ANO4: variants seen among roughly 807,000 people sequenced by gnomAD.
The protein encoded by ANO4 is anoctamin-4.
A neutral mutation model predicts 141.9 loss-of-function variants in ANO4; 69 were observed. The observed-to-expected ratio is 0.49, with a 90% CI of 0.40 to 0.59. The LOEUF (loss-of-function observed/expected upper bound fraction) is 0.59. ANO4 is among the 20% of genes least tolerant of loss of function. The probability of loss-of-function intolerance (pLI) is 0.00; values close to 1 mark genes in which losing one functional copy is unlikely to be tolerated. For missense variants in ANO4, 894 were observed against 1,162.2 expected, an observed-to-expected ratio of 0.77 and a Z score of 3.36; for synonymous variants, 350 against 394.3, an observed-to-expected ratio of 0.89 and a Z score of 1.33.
chr12:100,976,218 T>A (rs1174974725), intron 7 of ANO4, among the ~76,000 whole-genome samples: 1 of 152,186 alleles, frequency 6.6e-6, no homozygotes, highest in Non-Finnish European at 1.5e-5. Flanking sequence ...CTCTATGAAA[T>A]TTAGAATTCA....
chr12:100,931,232 G>A (rs186594237), intron 3 of ANO4, among the ~76,000 whole-genome samples: 1 of 152,214 alleles, frequency 6.6e-6, no homozygotes, highest in East Asian at 1.9e-4. Flanking sequence ...GTTCAAAGCT[G>A]TATTGTGTCT....
At chr12:101,125,854 T>TTTG (rs34948143) in intron 26 of ANO4, among the ~76,000 whole-genome samples, 7,779 of 152,150 alleles carry the variant, frequency 0.051, 634 homozygotes, top group African/African-American at 0.17. Context: ...CTGAAGTTTT[T>TTTG]TTGTTGTCTC....
intron 1 of ANO4, among the ~76,000 whole-genome samples, chr12:100,850,698 G>C (rs943925305): frequency 6.8e-6 from 1 of 147,450 alleles, no homozygotes; most frequent in Non-Finnish European, 1.5e-5. Flanking sequence ...AAAAATTTAG[G>C]AAATTCAGAA....
intron 3 of ANO4, among the ~76,000 whole-genome samples, chr12:100,789,277 A>G (rs1167538528): frequency 6.6e-6 from 1 of 152,114 alleles, no homozygotes; most frequent in Admixed American, 6.6e-5. Flanking sequence ...GGCAGAGTCA[A>G]GGCCTTCCCA....
Position 101,110,427 on chromosome 12 carries a change from A to G in ANO4, c.2173A>G (p.Ile725Val), listed in dbSNP as rs1309254868. The G allele has an allele frequency of 6.2e-6, 10 of 1,609,306 alleles. No homozygotes were observed. Among genetic ancestry groups the G allele is most frequent in the African/African-American group, 2.7e-5 (2 of 74,874 alleles). ...EMILQFGFTT[I>V]FVAAFPLAPL... Reference sequence around the variant, plus strand: ...AGTTCTTCAGTTTGGATTCACAACTATCTTTGTGGCAGCTTTTCCCCTAGC... The same window carrying G: ...AGTTCTTCAGTTTGGATTCACAACTGTCTTTGTGGCAGCTTTTCCCCTAGC... Residue 725 changes from isoleucine (I) to valine (V), a missense_variant, in exon 23 of 28, where the codon ATC becomes GTC. Physicochemically the swap from Ile to Val is conservative, Grantham distance 29. This residue lies in a region of ANO4 where 637 missense variants were observed against 909.2 expected (regional missense o/e 0.70). Transcript: ENST00000392977.
chr12:100,829,976 C>A (rs761360591), intron 1 of ANO4, among the ~76,000 whole-genome samples: 1 of 152,004 alleles, frequency 6.6e-6, no homozygotes, highest in African/African-American at 2.4e-5. Context: ...GCATTGAAAT[C>A]GTGGCTCTTC....
At chr12:100,816,661 G>C (rs1237364758) in intron 1 of ANO4, among the ~76,000 whole-genome samples, 1 of 151,974 alleles carries the variant, frequency 6.6e-6, no homozygotes, top group East Asian at 1.9e-4. Flanking sequence ...TTATAAAGGA[G>C]AAAGGAGAAG....
chr12:101,069,440 C>G (rs1222886668), intron 14 of ANO4, among the ~76,000 whole-genome samples: 1 of 152,136 alleles, frequency 6.6e-6, no homozygotes, highest in Non-Finnish European at 1.5e-5. Context: ...ACTAATTTTT[C>G]CTTGTGCATT....
In ANO4 at chr12:101,111,604, G is replaced by A. The variant is rs774934835; in HGVS notation, c.2344G>A (p.Val782Ile). 6.2e-7 allele frequency: 1 copy of A among 1,611,662 alleles called. No homozygotes were observed. The highest frequency in any genetic ancestry group is 8.5e-7 in the Non-Finnish European group (1 of 1,179,032). ...GILEGIGILS[V>I]ITNAFVIAIT... ...TCTTGAAGGCATTGGAATTCTCTCT[G>A]TTATCACAAATGCATTTGTCATAGC... Residue 782 changes from valine (V) to isoleucine (I), a missense_variant, in exon 24 of 28, where the codon GTT (valine) becomes ATT (isoleucine). Around this residue, in one of 2 missense-constraint regions of ANO4, gnomAD observed 637 missense variants for 909.2 expected, o/e 0.70. Coordinates refer to ENST00000392977, the MANE Select transcript of ANO4 (RefSeq NM_001286615.2).
chr12:101,024,041 C>T (rs571270772), intron 9 of ANO4, among the ~76,000 whole-genome samples: 1 of 152,266 alleles, frequency 6.6e-6, no homozygotes, highest in African/African-American at 2.4e-5. Flanking sequence ...TAAACTGCCA[C>T]TATGTACATT....
chr12:101,075,716 A>AAGAT (rs3059507), intron 14 of ANO4, among the ~76,000 whole-genome samples: 12 of 142,720 alleles, frequency 8.4e-5, no homozygotes, highest in South Asian at 2.1e-4. Flanking sequence ...ATATAAAACA[A>AAGAT]ATATATATAT....
intron 8 of ANO4, among the ~76,000 whole-genome samples, chr12:100,989,551 GTGGATGGATGGATGGATGGA>G (rs377197749): frequency 6.9e-6 from 1 of 144,538 alleles, no homozygotes; most frequent in Admixed American, 6.8e-5. Context: ...GGGTGGGTGG[GTGGATGGATGGATGGATGGA>G]TGGATGGATG....
chr12:100,774,379 A>G (rs2033409475), intron 3 of ANO4, among the ~76,000 whole-genome samples: 1 of 152,246 alleles, frequency 6.6e-6, no homozygotes, highest in Non-Finnish European at 1.5e-5. Context: ...AACATTTTAT[A>G]GCTAGAAGAC....
chr12:100,994,124 C>T (rs549646317), intron 8 of ANO4, among the ~76,000 whole-genome samples: 1 of 152,134 alleles, frequency 6.6e-6, no homozygotes, highest in Admixed American at 6.6e-5. Context: ...CCAAATTTCC[C>T]CTGGTGGTAG....
At chr12:100,823,998 G>T (rs1391709772) in intron 1 of ANO4, among the ~76,000 whole-genome samples, 1 of 151,722 alleles carries the variant, frequency 6.6e-6, no homozygotes, top group Non-Finnish European at 1.5e-5. Flanking sequence ...TTTATAAAAA[G>T]TGCCATTAAA....
At chr12:100,990,289 C>T (rs1046559443) in intron 8 of ANO4, among the ~76,000 whole-genome samples, 1 of 152,070 alleles carries the variant, frequency 6.6e-6, no homozygotes, top group African/African-American at 2.4e-5. Flanking sequence ...AGGAGGGTTT[C>T]CCACCTCCTC....
At chr12:101,020,958 A>C (rs561524543) in intron 9 of ANO4, among the ~76,000 whole-genome samples, 1 of 152,160 alleles carries the variant, frequency 6.6e-6, no homozygotes, top group Admixed American at 6.5e-5. Context: ...GAACAGAGAA[A>C]GTTTTATATA....
intron 8 of ANO4, among the ~76,000 whole-genome samples, chr12:100,997,217 C>T (rs2045423269): frequency 6.6e-6 from 1 of 151,428 alleles, no homozygotes; most frequent in Admixed American, 6.6e-5. Context: ...GCCTTTAATC[C>T]CAGCTACTCT....
intron 3 of ANO4, among the ~76,000 whole-genome samples, chr12:100,938,178 C>T (rs1329415414): frequency 6.6e-6 from 1 of 152,128 alleles, no homozygotes; most frequent in Non-Finnish European, 1.5e-5. Flanking sequence ...TAGCTTTATA[C>T]CTGGTCATCT....
Sources: allele counts gnomAD v4.1 joint callset (sites outside exome capture counted in the v4.1 genomes callset), GRCh38; gene constraint gnomAD v4.1.1; regional missense constraint gnomAD v4.1.1; transcripts MANE v1.5; gene names NCBI Gene and HGNC (gene_info 2026-07-23, HGNC 2026-07-21).